The following CCDC33 variants were observed in gnomAD, a reference collection of about 807,000 sequenced individuals.
CCDC33 encodes coiled-coil domain-containing protein 33.
A neutral mutation model predicts 91.9 loss-of-function variants in CCDC33; 94 were observed. The ratio of observed to expected loss-of-function variants is 1.02; its 90% CI spans 0.87 to 1.21. The LOEUF is 1.21. Ranked by LOEUF, CCDC33 falls within the 50% of genes most tolerant of loss-of-function variation. CCDC33 has a pLI of 0.00. For missense variants in CCDC33, 940 were observed against 935.5 expected, an observed-to-expected ratio of 1.00 and a Z score of -0.06; for synonymous variants, 396 against 374.5, an observed-to-expected ratio of 1.06 and a Z score of -0.66.
Position 74,332,690 on chromosome 15 carries a change from C to T in CCDC33, c.1783C>T (p.Leu595Phe), listed in dbSNP as rs756342576. The change falls in exon 16 of 19, where the codon CTC (leucine) becomes TTC (phenylalanine). Residue 595 changes from leucine (L) to phenylalanine (F), a missense_variant. Coordinates refer to ENST00000398814, the MANE Select transcript of CCDC33 (RefSeq NM_025055.5). Reference sequence around the variant, plus strand: ...GGCCGTGTCTCTAGGCTTCCCTATGCTCTCAGCCTCTGGCCTTCCCTTGGG... The same window carrying T: ...GGCCGTGTCTCTAGGCTTCCCTATGTTCTCAGCCTCTGGCCTTCCCTTGGG... ...QGKPYTGFPM[L>F]SASGLPLGSM... 1.2e-6 allele frequency: 2 copies of T among 1,614,120 alleles called. No homozygotes were observed. Among genetic ancestry groups the T allele is most frequent in the South Asian group, 1.1e-5 (1 of 91,076 alleles).
rs115028136 is a variant in CCDC33, at chr15:74,292,658, G to T, written c.1096-3096G>T. Among the ~76,000 whole-genome samples the T allele has an allele frequency of 7.2e-3, 1,094 of 152,326 alleles. 12 individuals carry two copies. The highest frequency in any genetic ancestry group is 0.025 in the African/African-American group (1,043 of 41,578). On this transcript the variant is annotated intron_variant, in intron 10 of 18. Transcript: ENST00000398814. ...CCTGGCAAAGTTGAATGGGACAGGGGAATGGGAATGTGGGCAGAGACCTGC... is the reference window on the plus strand; with the variant it reads ...CCTGGCAAAGTTGAATGGGACAGGGTAATGGGAATGTGGGCAGAGACCTGC...
intron 1 of CCDC33, among the ~76,000 whole-genome samples, chr15:74,206,687 G>A (rs2142108193): frequency 6.6e-6 from 1 of 152,340 alleles, no homozygotes; most frequent in Middle Eastern, 3.4e-3. Context: ...AGGCTCCCTG[G>A]AGGAGGGGGC....
upstream of CCDC33, chr15:74,213,617 G>A (rs2074388456): frequency 6.6e-6 from 1 of 152,250 alleles, no homozygotes; most frequent in African/African-American, 2.4e-5. Flanking sequence ...GCTTTCCCCT[G>A]GCCGCTGCAA....
intron 2 of CCDC33, among the ~76,000 whole-genome samples, chr15:74,211,855 C>T (rs2074372050): frequency 6.6e-6 from 1 of 151,950 alleles, no homozygotes; most frequent in Admixed American, 6.6e-5. Flanking sequence ...CTCTACTTTC[C>T]TTCTGTCTCT....
intron 5 of CCDC33, among the ~76,000 whole-genome samples, chr15:74,270,456 G>C (rs868152340): frequency 2.0e-5 from 3 of 152,174 alleles, no homozygotes; most frequent in Non-Finnish European, 4.4e-5. Context: ...AGGGGCTTGT[G>C]GGGTGTCGGG....
intron 11 of CCDC33, among the ~76,000 whole-genome samples, chr15:74,325,989 C>G (rs891886434): frequency 6.6e-6 from 1 of 152,166 alleles, no homozygotes; most frequent in Non-Finnish European, 1.5e-5. Context: ...GTCACATCAT[C>G]ATATCTTCTG....
intron 3 of CCDC33, among the ~76,000 whole-genome samples, chr15:74,264,431 G>A (rs944232829): frequency 6.6e-6 from 1 of 152,212 alleles, no homozygotes; most frequent in African/African-American, 2.4e-5. Context: ...CAGGAGCAGG[G>A]AGGAGTGGCT....
intron 18 of CCDC33, 46 bp from the exon 19 acceptor site, chr15:74,335,879 C>T: frequency 2.0e-6 from 3 of 1,468,306 alleles, no homozygotes; most frequent in Non-Finnish European, 2.9e-6. Context: ...GCAGGTCACC[C>T]CCTGGGAATG....
chr15:74,326,933 C>A (rs1288148284), intron 11 of CCDC33, among the ~76,000 whole-genome samples: 1 of 152,180 alleles, frequency 6.6e-6, no homozygotes, highest in Non-Finnish European at 1.5e-5. Flanking sequence ...CAGCTCCAGG[C>A]TGTAGGGAGT....
chr15:74,288,794 G>A (rs2059528177), intron 10 of CCDC33, among the ~76,000 whole-genome samples: 1 of 152,230 alleles, frequency 6.6e-6, no homozygotes, highest in Non-Finnish European at 1.5e-5. Context: ...GACACTTGAA[G>A]TGCTGCAATG....
intron 18 of CCDC33, 126 bp from the exon 19 acceptor site, chr15:74,335,799 C>A: frequency 2.7e-6 from 2 of 746,588 alleles, no homozygotes; most frequent in Non-Finnish European, 4.5e-6. Flanking sequence ...GTTTAGAAAT[C>A]TTTGCCAGGT....
chr15:74,314,406 C>T (rs913614300), intron 11 of CCDC33, among the ~76,000 whole-genome samples: 4 of 152,202 alleles, frequency 2.6e-5, no homozygotes, highest in Non-Finnish European at 4.4e-5. Context: ...CAGTGCTCAC[C>T]CCTCCCCTAG....
chr15:74,280,126 A>G, intron 8 of CCDC33, 34 bp downstream of exon 8: 1 of 1,612,170 alleles, frequency 6.2e-7, no homozygotes, highest in South Asian at 1.1e-5. Flanking sequence ...CAGGGCAGCC[A>G]TGCCTCAGGA....
intron 11 of CCDC33, among the ~76,000 whole-genome samples, chr15:74,327,995 G>A (rs1399095120): frequency 6.6e-6 from 1 of 152,212 alleles, no homozygotes. Flanking sequence ...GAGCATCCCT[G>A]CATGCATTTT....
chr15:74,284,305 G>T (rs1194072952), intron 10 of CCDC33, among the ~76,000 whole-genome samples: 2 of 152,210 alleles, frequency 1.3e-5, no homozygotes, highest in African/African-American at 4.8e-5. Context: ...ACCTCATTTT[G>T]ATTTGAGCTC....
chr15:74,243,961 ACT>A, intron 1 of CCDC33, 22 bp from the exon 2 acceptor site: 1 of 1,545,972 alleles, frequency 6.5e-7, no homozygotes, highest in Non-Finnish European at 8.6e-7. Context: ...AAAAAAAAAC[ACT>A]CAGCCCTGGC....
At chr15:74,288,949 T>C (rs116724084) in intron 10 of CCDC33, among the ~76,000 whole-genome samples, 1,748 of 152,318 alleles carry the variant, frequency 0.011, 42 homozygotes, top group African/African-American at 0.04. Flanking sequence ...TGAGGAAGCA[T>C]GTGCAGGTAA....
At chr15:74,319,137 A>C (rs968850817) in intron 11 of CCDC33, among the ~76,000 whole-genome samples, 1 of 152,096 alleles carries the variant, frequency 6.6e-6, no homozygotes, top group African/African-American at 2.4e-5. Flanking sequence ...CGCCCCAGTA[A>C]GTGCTAACCC....
intron 11 of CCDC33, among the ~76,000 whole-genome samples, chr15:74,327,971 A>G (rs2060344515): frequency 6.6e-6 from 1 of 152,230 alleles, no homozygotes; most frequent in South Asian, 2.1e-4. Context: ...TAAGACCACA[A>G]GCTGTGCTGC....
Sources: allele counts gnomAD v4.1 joint callset (sites outside exome capture counted in the v4.1 genomes callset), GRCh38; gene constraint gnomAD v4.1.1; transcripts MANE v1.5; gene names NCBI Gene and HGNC (gene_info 2026-07-23, HGNC 2026-07-21).